The following CCT8 variants were observed in gnomAD, a reference collection of about 807,000 sequenced individuals.
CCT8 encodes chaperonin containing TCP1 subunit 8.
In CCT8, 10 loss-of-function variants were observed where a neutral mutation model predicts 65.7. That is an observed-to-expected ratio of 0.15 (90% CI 0.09 to 0.26). CCT8 has a LOEUF of 0.26. Ranked by LOEUF, CCT8 falls within the 10% of genes least tolerant of loss-of-function variation. The pLI, the probability that CCT8 is intolerant of heterozygous loss-of-function variation, is 1.00. For missense variants in CCT8, 568 were observed against 669.1 expected (o/e 0.85, Z 1.67); for synonymous variants, 199 against 221.8 (o/e 0.90, Z 0.92).
At chr21:29,065,332 T>A (rs903740369) in intron 6 of CCT8, among the ~76,000 whole-genome samples, 5 of 152,230 alleles carry the variant, frequency 3.3e-5, no homozygotes, top group Non-Finnish European at 7.3e-5. Flanking sequence ...GGTCCTTCCA[T>A]GTACTGGGAA....
At chr21:29,070,077 T>G (rs1487621106) in intron 2 of CCT8, among the ~76,000 whole-genome samples, 170 bp downstream of exon 2, 1 of 152,144 alleles carries the variant, frequency 6.6e-6, no homozygotes, top group African/African-American at 2.4e-5. Context: ...TCTAAAGAGA[T>G]GTGAGTTGAT....
rs201747174 is a variant in CCT8 at position 29,067,622 on chromosome 21, C to T, written c.315G>A (p.Leu105=). 3.8e-5 allele frequency: 54 copies of T among 1,428,120 alleles called. No homozygotes were observed. The highest frequency in any genetic ancestry group is 2.8e-4 in the Admixed American group (10 of 35,736). 88.5% of individuals were successfully genotyped at this position (1,428,120 alleles called of 1,614,324 possible). ...QEVGDGTNFV[L]VFAGALLELA... ...ATTCCAGGAGAGCTCCAGCAAATAC[C>T]AGAACAAAGTTTGTGCCATCTCCAA... The change falls in exon 4 of 15, where the codon CTG becomes CTA. Residue 105 remains leucine, a synonymous_variant. Transcript: ENST00000286788.
Position 29,073,610 on chromosome 21 carries a change from G to A in CCT8, c.-20C>T, listed in dbSNP as rs745945394. 1.2e-6 allele frequency: 2 copies of A among 1,613,296 alleles called. No homozygotes were observed. The highest frequency in any genetic ancestry group is 1.3e-5 in the African/African-American group (1 of 74,936). ...CGCCATGGCCAGCCTGCAGGAAGCA[G>A]TTCACGCGACCGCTCGGAAGACCGC... On this transcript the variant is annotated 5_prime_UTR_variant, in exon 1 of 15. Coordinates refer to ENST00000286788, the MANE Select transcript of CCT8 (RefSeq NM_006585.4).
chr21:29,058,378 T>A (rs977950844), intron 14 of CCT8, among the ~76,000 whole-genome samples: 3 of 151,456 alleles, frequency 2.0e-5, no homozygotes, highest in South Asian at 2.1e-4. Flanking sequence ...GAGGTGGCGG[T>A]TGCAGTAAGC....
intron 8 of CCT8, 193 bp from the exon 9 acceptor site, chr21:29,062,749 C>T: frequency 1.7e-6 from 1 of 601,548 alleles, no homozygotes; most frequent in Non-Finnish European, 2.9e-6. Flanking sequence ...TGAGTGAGTC[C>T]AGCTGGCCAA....
chr21:29,061,607 A>C (rs1326531402), intron 11 of CCT8, 40 bp from the exon 12 acceptor site: 4 of 1,578,504 alleles, frequency 2.5e-6, no homozygotes, highest in Non-Finnish European at 3.5e-6. Context: ...ATGAACACAA[A>C]ACAAATTCAC....
chr21:29,061,312 T>C lies in CCT8; in HGVS notation c.1390A>G (p.Ile464Val). The C allele has an allele frequency of 6.2e-7, 1 of 1,613,998 alleles. No individual in the cohort carries two copies. The change falls in exon 13 of 15, where the codon ATC becomes GTC. Residue 464 changes from isoleucine to valine, a missense_variant. Physicochemically the swap from Ile to Val is conservative, Grantham distance 29 (BLOSUM62 3). Coordinates refer to ENST00000286788, the MANE Select transcript of CCT8 (RefSeq NM_006585.4). ...TGATGTACTGCATAAAGTTTAGAGA[T>C]TACTTCATTGGCCTTAACTCCAGAG... is the stretch of plus-strand genomic sequence containing the variant. ...ENSGVKANEV[I>V]SKLYAVHQEG...
At chr21:29,066,654 AAC>A in intron 6 of CCT8, 60 bp downstream of exon 6, 1 of 1,129,510 alleles carries the variant, frequency 8.9e-7, no homozygotes. Context: ...TGCACAAAAA[AAC>A]AAAAAAAGCA....
At position 29,067,772 on chromosome 21, in the gene CCT8, AT is replaced by A; in HGVS notation, c.232-68del. ...AAGCAACATAAAATTGTTCATTTCCATTTCTTAAATAGACTCAATTTTCTTG... is the reference window on the plus strand; with the variant it reads ...AAGCAACATAAAATTGTTCATTTCCATTCTTAAATAGACTCAATTTTCTTG... On this transcript the variant is annotated intron_variant, in intron 3 of 14. Transcript: ENST00000286788. The A allele has an allele frequency of 5.0e-6, 6 of 1,212,076 alleles. No individual in the cohort carries two copies. In the South Asian group the frequency reaches 1.5e-4, roughly 30 times the overall value. The allele number at this position is 1,212,076 out of a possible 1,614,324, so 75.1% of individuals were successfully genotyped here.
intron 2 of CCT8, 82 bp from the exon 3 acceptor site, chr21:29,069,584 A>G: frequency 1.3e-6 from 1 of 753,078 alleles, no homozygotes; most frequent in Non-Finnish European, 2.1e-6. Context: ...AATCTAGTTA[A>G]GAAATTATAA....
At chr21:29,070,665 A>G (rs577696313) in intron 1 of CCT8, among the ~76,000 whole-genome samples, 116 of 152,368 alleles carry the variant, frequency 7.6e-4, no homozygotes, top group African/African-American at 2.4e-3. Context: ...CTCTAGTTGA[A>G]TGAATAAAGT....
chr21:29,057,315 G>C (rs188943781), intron 14 of CCT8, among the ~76,000 whole-genome samples: 1 of 151,772 alleles, frequency 6.6e-6, no homozygotes, highest in Non-Finnish European at 1.5e-5. Flanking sequence ...GGGATTACAG[G>C]TGCCCATCAC....
intron 14 of CCT8, chr21:29,059,943 TATAA>T (rs1403335150): frequency 6.6e-6 from 1 of 152,252 alleles, no homozygotes; most frequent in African/African-American, 2.4e-5. Flanking sequence ...ATTAAGTACT[TATAA>T]ATAGTCATTG....
chr21:29,069,669 G>T (rs1568915628), intron 2 of CCT8, among the ~76,000 whole-genome samples, 167 bp from the exon 3 acceptor site: 1 of 152,120 alleles, frequency 6.6e-6, no homozygotes, highest in Non-Finnish European at 1.5e-5. Flanking sequence ...ATAGCCCCAT[G>T]GGCATTCTCT....
chr21:29,057,074 G>A (rs1261708518), intron 14 of CCT8, among the ~76,000 whole-genome samples: 1 of 150,124 alleles, frequency 6.7e-6, no homozygotes, highest in Non-Finnish European at 1.5e-5. Flanking sequence ...CAAGCAGCCA[G>A]GAATTTTCAT....
chr21:29,073,377 C>T, intron 1 of CCT8, 154 bp downstream of exon 1: 2 of 1,458,182 alleles, frequency 1.4e-6, no homozygotes, highest in East Asian at 2.5e-5. Flanking sequence ...TGGCCGAGCC[C>T]TTCCAAAATC....
intron 12 of CCT8, 30 bp from the exon 13 acceptor site, chr21:29,061,447 T>C (rs768128292): frequency 1.1e-5 from 17 of 1,613,764 alleles, no homozygotes; most frequent in Non-Finnish European, 1.4e-5. Context: ...ATTACTGTCT[T>C]TTATTCAAGC....
intron 1 of CCT8, among the ~76,000 whole-genome samples, chr21:29,071,274 C>T (rs944317877): frequency 1.3e-5 from 2 of 152,210 alleles, no homozygotes; most frequent in Admixed American, 1.3e-4. Flanking sequence ...GAATATCACA[C>T]TGGACAGCGC....
At position 29,073,587 on chromosome 21, in the gene CCT8, C is replaced by T; in HGVS notation, c.4G>A (p.Ala2Thr). 4 of 1,614,138 alleles carry T rather than the reference C, an allele frequency of 2.5e-6. No individual in the cohort carries two copies. The highest frequency in any genetic ancestry group is 1.1e-5 in the South Asian group (1 of 91,086). Residue 2 changes from alanine to threonine, a missense_variant, in exon 1 of 15, where the codon GCG becomes ACG. Physicochemically the swap from Ala to Thr is moderately conservative, Grantham distance 58. Transcript: ENST00000286788. Reference protein sequence around the residue: MALHVPKAPGFA... With the variant: MTLHVPKAPGFA... ...CCCGGAGCCTTGGGAACGTGAAGCGCCATGGCCAGCCTGCAGGAAGCAGTT... is the reference window on the plus strand; with the variant it reads ...CCCGGAGCCTTGGGAACGTGAAGCGTCATGGCCAGCCTGCAGGAAGCAGTT...
Sources: allele counts gnomAD v4.1 joint callset (sites outside exome capture counted in the v4.1 genomes callset), GRCh38; gene constraint gnomAD v4.1.1; transcripts MANE v1.5; gene names NCBI Gene and HGNC (gene_info 2026-07-23, HGNC 2026-07-21).